The following CAMSAP2 variants were observed in gnomAD, a reference collection of about 807,000 sequenced individuals.
The protein encoded by CAMSAP2 is calmodulin-regulated spectrin-associated protein 2.
A neutral mutation model predicts 146.1 loss-of-function variants in CAMSAP2; 26 were observed. The observed-to-expected ratio is 0.18, with a 90% CI of 0.13 to 0.25. The LOEUF (loss-of-function observed/expected upper bound fraction) is 0.25, where lower values mean the gene tolerates loss of function less well. Ranked by LOEUF, CAMSAP2 falls within the 10% of genes least tolerant of loss-of-function variation. The probability of loss-of-function intolerance (pLI) is 1.00; values close to 1 mark genes in which losing one functional copy is unlikely to be tolerated. For missense variants in CAMSAP2, 1,381 were observed against 1,759.3 expected (o/e 0.78, Z 3.85); for synonymous variants, 499 against 596.6 (o/e 0.84, Z 2.38).
intron 2 of CAMSAP2, among the ~76,000 whole-genome samples, chr1:200,807,069 G>A (rs978249115): frequency 6.6e-6 from 1 of 151,976 alleles, no homozygotes; most frequent in African/African-American, 2.4e-5. Flanking sequence ...TTCTGAAGTC[G>A]GTAAGTTATA....
At chr1:200,821,206 A>C (rs1666753781) in intron 4 of CAMSAP2, among the ~76,000 whole-genome samples, 1 of 148,764 alleles carries the variant, frequency 6.7e-6, no homozygotes, top group Admixed American at 6.7e-5. Context: ...TTTTGGAGAC[A>C]GGGTCTCACT....
rs1665690932 is a variant in CAMSAP2 at position 200,789,535 on chromosome 1, C to T, written c.400-17841C>T. On this transcript the variant is annotated intron_variant, in intron 2 of 16. Transcript: ENST00000358823. ...TTCCGGTGATCTATTTGTTCTTTTG[C>T]CAGTACCACATTGTGTTGATTACTG... 2.0e-5 allele frequency among the ~76,000 whole-genome samples: 3 copies of T among 152,144 alleles called. No individual in the cohort carries two copies. The South Asian group carries it at 6.2e-4, about 32-fold the overall frequency.
rs750883799 is a variant in CAMSAP2, at chr1:200,849,997, T to C, written c.3228T>C (p.Pro1076=). 3.7e-6 allele frequency: 6 copies of C among 1,614,016 alleles called. No individual in the cohort carries two copies. In the Admixed American group the frequency reaches 8.3e-5, roughly 22 times the overall value. ...ESTVSEVLSL[P]VTETVCLTPN... ...CAGTCTCTGAAGTCCTATCACTGCC[T>C]GTCACAGAGACTGTATGTCTGACAC... The change falls in exon 11 of 17, where the codon CCT becomes CCC. Residue 1076 remains proline, a synonymous_variant. Coordinates refer to ENST00000358823, the MANE Select transcript of CAMSAP2 (RefSeq NM_203459.4). The surrounding 1 kb of genome is among the most constrained non-coding windows in gnomAD (Gnocchi z 6.3).
At chr1:200,833,694 CTTTCTT>C (rs1177007236) in intron 6 of CAMSAP2, among the ~76,000 whole-genome samples, 1 of 151,922 alleles carries the variant, frequency 6.6e-6, no homozygotes, top group African/African-American at 2.4e-5. Flanking sequence ...AATAATGAAG[CTTTCTT>C]TTTCTTAAAG....
At chr1:200,740,032 C>T in intron 1 of CAMSAP2, 66 bp downstream of exon 1, 2 of 1,565,228 alleles carry the variant, frequency 1.3e-6, no homozygotes, top group Non-Finnish European at 1.7e-6. Flanking sequence ...GTTTTTGTTC[C>T]CGATTCTCGA....
At position 200,784,475 on chromosome 1, in the gene CAMSAP2, C is replaced by T. The variant is rs1447313528; in HGVS notation, c.400-22901C>T. 1.3e-5 allele frequency among the ~76,000 whole-genome samples: 2 copies of T among 152,068 alleles called. 1 individual carries two copies. Among genetic ancestry groups the T allele is most frequent in the Non-Finnish European group, 2.9e-5 (2 of 68,002 alleles). ...TTCAGTAGTGTTTTATAGTTTTTAGCATATGAGATTCATATGCACTTTGTT... is the reference window on the plus strand; with the variant it reads ...TTCAGTAGTGTTTTATAGTTTTTAGTATATGAGATTCATATGCACTTTGTT... On this transcript the variant is annotated intron_variant, in intron 2 of 16. Transcript: ENST00000358823.
chr1:200,839,982 T>A (rs768714810), intron 6 of CAMSAP2, among the ~76,000 whole-genome samples: 5 of 152,354 alleles, frequency 3.3e-5, no homozygotes, highest in Non-Finnish European at 7.3e-5. Context: ...GCTGCTTCAA[T>A]TAGTATGTAT....
rs1664834702 is a variant in CAMSAP2, at chr1:200,762,710, T to C, written c.399+1612T>C. 2.0e-5 allele frequency among the ~76,000 whole-genome samples: 3 copies of C among 152,194 alleles called. No homozygotes were observed. The South Asian group carries it at 6.2e-4, about 32-fold the overall frequency. On this transcript the variant is annotated intron_variant, in intron 2 of 16. Coordinates refer to ENST00000358823, the MANE Select transcript of CAMSAP2 (RefSeq NM_203459.4). ...GATCCTCTAATAAGAATGAAACAAATTTAACATGTTTTCTACATTTTTTTC... is the reference window on the plus strand; with the variant it reads ...GATCCTCTAATAAGAATGAAACAAACTTAACATGTTTTCTACATTTTTTTC...
At chr1:200,782,949 A>G (rs1665481443) in intron 2 of CAMSAP2, among the ~76,000 whole-genome samples, 1 of 151,526 alleles carries the variant, frequency 6.6e-6, no homozygotes, top group Admixed American at 6.6e-5. Context: ...AATTTTTTGT[A>G]GACATAGGGT....
chr1:200,797,193 G>A (rs1045913261), intron 2 of CAMSAP2, among the ~76,000 whole-genome samples: 1 of 151,018 alleles, frequency 6.6e-6, no homozygotes, highest in African/African-American at 2.4e-5. Flanking sequence ...CCCAGTAATG[G>A]GATGGCTGGG....
At chr1:200,771,020 C>G (rs1040990358) in intron 2 of CAMSAP2, among the ~76,000 whole-genome samples, 1 of 152,088 alleles carries the variant, frequency 6.6e-6, no homozygotes, top group Non-Finnish European at 1.5e-5. Context: ...CATCCTTTTT[C>G]CTGTCCTTGT....
chr1:200,796,661 GT>G (rs974012758), intron 2 of CAMSAP2, among the ~76,000 whole-genome samples: 15 of 145,340 alleles, frequency 1.0e-4, no homozygotes, highest in Admixed American at 7.7e-4. Flanking sequence ...CAGAGCATAA[GT>G]TTTTTTTTGT....
At chr1:200,844,111 T>A (rs373051093) in intron 7 of CAMSAP2, among the ~76,000 whole-genome samples, 3 of 152,060 alleles carry the variant, frequency 2.0e-5, no homozygotes, top group African/African-American at 7.2e-5. Flanking sequence ...GACCTCGTGA[T>A]CCACCGGCCT....
In CAMSAP2 at chr1:200,842,021, C is replaced by T. The variant is rs1558204240; in HGVS notation, c.955C>T (p.Leu319=). 1 of 1,613,754 alleles carries T rather than the reference C, an allele frequency of 6.2e-7. No individual in the cohort carries two copies. Among genetic ancestry groups the T allele is most frequent in the Non-Finnish European group, 8.5e-7 (1 of 1,179,740 alleles). ...TAATTATTTGGTGTTCATGGCGGAA[C>T]TGTTCTGGTGGTTTGAAGTGGTGAA... The part of the protein sequence containing the change: ...KSNYLVFMAE[L]FWWFEVVKPS... The change falls in exon 7 of 17, where the codon CTG becomes TTG. Residue 319 remains leucine (L), a synonymous_variant. Coordinates refer to ENST00000358823, the MANE Select transcript of CAMSAP2 (RefSeq NM_203459.4).
intron 6 of CAMSAP2, among the ~76,000 whole-genome samples, chr1:200,834,898 C>A (rs997606124): frequency 1.3e-5 from 2 of 152,142 alleles, no homozygotes; most frequent in African/African-American, 4.8e-5. Flanking sequence ...AGTGACAAAC[C>A]AAGACCCTGT....
rs7544127 is a variant in CAMSAP2, at chr1:200,850,860, T to C, written c.3465+626T>C. Among the ~76,000 whole-genome samples the C allele has an allele frequency of 4.2e-3, 641 of 152,306 alleles. 1 individual carries two copies. Among genetic ancestry groups the C allele is most frequent in the African/African-American group, 0.014 (590 of 41,576 alleles). On this transcript the variant is annotated intron_variant, in intron 11 of 16. Coordinates refer to ENST00000358823, the MANE Select transcript of CAMSAP2 (RefSeq NM_203459.4). ...GATAGTTCCAAGAGCATAGCTCCAATTGAGTCTCTTTCTAGTCAAAAATCT... is the reference window on the plus strand; with the variant it reads ...GATAGTTCCAAGAGCATAGCTCCAACTGAGTCTCTTTCTAGTCAAAAATCT...
At chr1:200,776,523 G>C (rs1665283779) in intron 2 of CAMSAP2, among the ~76,000 whole-genome samples, 1 of 151,762 alleles carries the variant, frequency 6.6e-6, no homozygotes, top group Non-Finnish European at 1.5e-5. Flanking sequence ...TTGAGGGTAA[G>C]AGAGAGAGAG....
At chr1:200,813,240 A>T (rs1666383994) in intron 3 of CAMSAP2, among the ~76,000 whole-genome samples, 1 of 152,206 alleles carries the variant, frequency 6.6e-6, no homozygotes, top group African/African-American at 2.4e-5. Flanking sequence ...AACCCCCTTT[A>T]TAAAGGAACC....
intron 7 of CAMSAP2, among the ~76,000 whole-genome samples, chr1:200,844,216 T>C (rs1194793385): frequency 1.3e-5 from 2 of 152,242 alleles, no homozygotes; most frequent in South Asian, 2.1e-4. Flanking sequence ...TGTTAGGCTT[T>C]TTCCCCCTAA....
Sources: allele counts gnomAD v4.1 joint callset (sites outside exome capture counted in the v4.1 genomes callset), GRCh38; gene constraint gnomAD v4.1.1; non-coding constraint Gnocchi (gnomAD v3.1); transcripts MANE v1.5; gene names NCBI Gene and HGNC (gene_info 2026-07-23, HGNC 2026-07-21).